Variants in APP observed in about 807,000 individuals in gnomAD.
The protein encoded by APP is amyloid-beta precursor protein.
A neutral mutation model predicts 101.4 loss-of-function variants in APP; 31 were observed. The ratio of observed to expected loss-of-function variants is 0.31; its 90% CI spans 0.23 to 0.41. The LOEUF is 0.41. APP is among the 10% of genes least tolerant of loss of function. APP has a pLI of 1.00. For missense variants in APP, 839 were observed against 1,003.7 expected (o/e 0.84, Z 2.22); for synonymous variants, 366 against 364.4 (o/e 1.00, Z -0.05).
intron 1 of APP, among the ~76,000 whole-genome samples, chr21:26,125,648 G>A (rs967201866): frequency 1.3e-5 from 2 of 151,756 alleles, no homozygotes; most frequent in African/African-American, 4.8e-5. Flanking sequence ...AGTGCACCAG[G>A]CTACAGAATG....
chr21:25,929,567 C>A (rs1239688626), intron 13 of APP, among the ~76,000 whole-genome samples: 2 of 152,100 alleles, frequency 1.3e-5, no homozygotes, highest in African/African-American at 4.8e-5. Flanking sequence ...AGGAAGAATT[C>A]TCCAGTTTCA....
chr21:26,084,777 G>A (rs187871035), intron 3 of APP, among the ~76,000 whole-genome samples: 3 of 151,398 alleles, frequency 2.0e-5, no homozygotes, highest in Admixed American at 1.3e-4. Context: ...GTTGAAGATC[G>A]TATGAATGAA....
chr21:26,116,855 ACTT>A, intron 1 of APP, among the ~76,000 whole-genome samples: 1 of 152,020 alleles, frequency 6.6e-6, no homozygotes, highest in Non-Finnish European at 1.5e-5. Flanking sequence ...ATCAGTTCAA[ACTT>A]CTTCGAGTCA....
At chr21:25,961,796 T>G (rs1427326064) in intron 11 of APP, among the ~76,000 whole-genome samples, 2 of 152,226 alleles carry the variant, frequency 1.3e-5, no homozygotes, top group Non-Finnish European at 1.5e-5. Flanking sequence ...TAATTGCTAT[T>G]ACTATTGTCA....
intron 17 of APP, among the ~76,000 whole-genome samples, chr21:25,885,816 G>A (rs1322777849): frequency 6.6e-6 from 1 of 152,100 alleles, no homozygotes; most frequent in Non-Finnish European, 1.5e-5. Flanking sequence ...TTGATTCATT[G>A]GAACCATTTA....
intron 17 of APP, among the ~76,000 whole-genome samples, chr21:25,889,762 G>A (rs1256200041): frequency 1.3e-5 from 2 of 152,044 alleles, no homozygotes; most frequent in Admixed American, 6.6e-5. Context: ...TAGGAGAATC[G>A]CTTGAACCTG....
intron 5 of APP, among the ~76,000 whole-genome samples, chr21:26,045,522 CTT>C (rs1041539822): frequency 6.6e-6 from 1 of 152,174 alleles, no homozygotes; most frequent in African/African-American, 2.4e-5. Flanking sequence ...TATGTTAACT[CTT>C]ATTAAAATTG....
chr21:25,890,799 C>T (rs1015380694), intron 17 of APP, among the ~76,000 whole-genome samples: 1 of 151,292 alleles, frequency 6.6e-6, no homozygotes, highest in Non-Finnish European at 1.5e-5. Context: ...AATTTGAACC[C>T]TTCTGTCTCG....
In APP at chr21:26,087,981, G is replaced by C. The variant is rs117146200; in HGVS notation, c.355+1962C>G. 5.9e-3 allele frequency among the ~76,000 whole-genome samples: 891 copies of C among 152,086 alleles called. 5 individuals are homozygous for C. Among genetic ancestry groups the C allele is most frequent in the Non-Finnish European group, 8.7e-3 (588 of 67,974 alleles). ...TCCTTTATTACTTGTTGTACTGTTC[G>C]TTCACTTGGAGGTTTTTTTGTTTGT... On this transcript the variant is annotated intron_variant, in intron 3 of 17. Transcript: ENST00000346798.
chr21:26,116,401 A>T (rs565299106), intron 1 of APP, among the ~76,000 whole-genome samples: 3 of 152,328 alleles, frequency 2.0e-5, no homozygotes, highest in Non-Finnish European at 2.9e-5. Flanking sequence ...GAATATAAAC[A>T]TATATACCTA....
intron 13 of APP, among the ~76,000 whole-genome samples, chr21:25,943,447 A>T: frequency 9.2e-6 from 1 of 108,170 alleles, no homozygotes; most frequent in Non-Finnish European, 1.9e-5. Context: ...CACCGCACCC[A>T]GCTTTTTTTT....
At chr21:26,131,266 A>T (rs1438609599) in intron 1 of APP, among the ~76,000 whole-genome samples, 5 of 152,002 alleles carry the variant, frequency 3.3e-5, no homozygotes, top group Non-Finnish European at 7.4e-5. Context: ...TTAATTAATT[A>T]ATTTAAAAAA....
At position 26,099,686 on chromosome 21, in the gene APP, A is replaced by G. The variant is rs548093830; in HGVS notation, c.226-9614T>C. ...ACTATTCTCAACAAAAATTCTTTTAATAATGAGGAATACTGAAAATACAAT... is the reference window on the plus strand; with the variant it reads ...ACTATTCTCAACAAAAATTCTTTTAGTAATGAGGAATACTGAAAATACAAT... On this transcript the variant is annotated intron_variant, in intron 2 of 17. Coordinates refer to ENST00000346798, the MANE Select transcript of APP (RefSeq NM_000484.4). Among the ~76,000 whole-genome samples, 5 of 152,374 alleles carry G rather than the reference A, an allele frequency of 3.3e-5. No individual in the cohort carries two copies. The South Asian group carries it at 1.0e-3, about 32-fold the overall frequency.
chr21:25,998,668 G>T (rs1305910127), intron 7 of APP, among the ~76,000 whole-genome samples: 1 of 152,140 alleles, frequency 6.6e-6, no homozygotes, highest in Non-Finnish European at 1.5e-5. Context: ...ACACAGCGGA[G>T]AATTAGGCAG....
intron 5 of APP, among the ~76,000 whole-genome samples, chr21:26,048,608 G>A (rs2045709835): frequency 6.6e-6 from 1 of 152,100 alleles, no homozygotes; most frequent in African/African-American, 2.4e-5. Context: ...AATATTTATT[G>A]AGGACCTATG....
intron 3 of APP, among the ~76,000 whole-genome samples, chr21:26,057,903 T>A (rs1160042291): frequency 1.3e-5 from 2 of 152,220 alleles, no homozygotes; most frequent in Non-Finnish European, 2.9e-5. Flanking sequence ...TACAATGTGG[T>A]CAATTTGACA....
Position 25,881,743 on chromosome 21 carries a change from C to T in APP, c.2240G>A (p.Arg747His), listed in dbSNP as rs200396597. The T allele has an allele frequency of 1.2e-6, 2 of 1,613,650 alleles. No homozygotes were observed. The highest frequency in any genetic ancestry group is 2.2e-5 in the East Asian group (1 of 44,900). Residue 747 changes from arginine to histidine, a missense_variant, in exon 18 of 18, where the codon CGC (arginine) becomes CAC (histidine). By Grantham distance (29) the Arg-to-His change is conservative. Transcript: ENST00000346798. ...GTTCTGCTGCATCTTGGACAGGTGG[C>T]GCTCCTCTGGGGTGACAGCGGCGTC... ...EVDAAVTPEE[R>H]HLSKMQQNGY...
chr21:25,936,451 G>A (rs1175426551), intron 13 of APP, among the ~76,000 whole-genome samples: 5 of 152,212 alleles, frequency 3.3e-5, no homozygotes, highest in South Asian at 2.1e-4. Context: ...GCTGAGGCAC[G>A]AGAATCGCTT....
intron 6 of APP, among the ~76,000 whole-genome samples, chr21:26,019,734 C>T (rs1231609173): frequency 6.6e-6 from 1 of 151,690 alleles, no homozygotes. Flanking sequence ...TTCAGTCCCA[C>T]TGCAGGCTGC....
Sources: allele counts gnomAD v4.1 joint callset (sites outside exome capture counted in the v4.1 genomes callset), GRCh38; gene constraint gnomAD v4.1.1; transcripts MANE v1.5; gene names NCBI Gene and HGNC (gene_info 2026-07-23, HGNC 2026-07-21).